Variants in SLC8A3 observed in about 807,000 individuals in gnomAD.
SLC8A3 encodes solute carrier family 8 member A3, also known as sodium/calcium exchanger 3.
In SLC8A3, 37 loss-of-function variants were observed where a neutral mutation model predicts 65.4. The ratio of observed to expected loss-of-function variants is 0.57; its 90% CI spans 0.44 to 0.74. The LOEUF (loss-of-function observed/expected upper bound fraction) is 0.74, where lower values mean the gene tolerates loss of function less well. Ranked by LOEUF, SLC8A3 falls within the 30% of genes least tolerant of loss-of-function variation. SLC8A3 has a pLI of 0.00. For synonymous variants in SLC8A3, 461 were observed against 444.5 expected (o/e 1.04, Z -0.47); for missense variants, 1,112 against 1,172.1 (o/e 0.95, Z 0.75).
At position 70,044,838 on chromosome 14, in the gene SLC8A3, G is replaced by A. The variant is rs146297923; in HGVS notation, c.*1109C>T. Reference sequence around the variant, plus strand: ...GTATAGAGCATTAGGAAGCAAGAGCGTGGTGAAGCTGACATTTCTCAGGCA... The same window carrying A: ...GTATAGAGCATTAGGAAGCAAGAGCATGGTGAAGCTGACATTTCTCAGGCA... On this transcript the variant is annotated 3_prime_UTR_variant, in exon 7 of 7. Transcript: ENST00000356921. 8.5e-5 allele frequency: 13 copies of A among 152,298 alleles called. 1 individual carries two copies. In the East Asian group the frequency reaches 1.7e-3, roughly 20 times the overall value. 9.4% of individuals were successfully genotyped at this position (152,298 alleles called of 1,614,324 possible).
intron 2 of SLC8A3, among the ~76,000 whole-genome samples, chr14:70,143,405 G>A (rs963089755): frequency 6.6e-6 from 1 of 152,124 alleles, no homozygotes; most frequent in African/African-American, 2.4e-5. Flanking sequence ...CCAGAGCCTT[G>A]GCACATTTGT....
chr14:70,162,684 C>A (rs1466439322), intron 2 of SLC8A3, among the ~76,000 whole-genome samples: 5 of 152,294 alleles, frequency 3.3e-5, no homozygotes, highest in Admixed American at 1.3e-4. Flanking sequence ...AGAACCCATA[C>A]CTCTGTGAGG....
chr14:70,068,353 C>A (rs1255411587), intron 2 of SLC8A3, among the ~76,000 whole-genome samples: 1 of 152,130 alleles, frequency 6.6e-6, no homozygotes, highest in Non-Finnish European at 1.5e-5. Flanking sequence ...ACCATGAGAA[C>A]CATAAGAAGA....
At chr14:70,129,530 A>G (rs369286999) in intron 2 of SLC8A3, among the ~76,000 whole-genome samples, 58 of 152,368 alleles carry the variant, frequency 3.8e-4, no homozygotes, top group Admixed American at 5.9e-4. Context: ...TTCATGGCTC[A>G]TAAGGCAGAG....
chr14:70,053,208 G>A (rs1343310542), intron 3 of SLC8A3, among the ~76,000 whole-genome samples: 1 of 152,174 alleles, frequency 6.6e-6, no homozygotes, highest in African/African-American at 2.4e-5. Context: ...CCTTCCTCTA[G>A]TGCTGGTGGC....
At chr14:70,072,933 C>A (rs1463524021) in intron 2 of SLC8A3, among the ~76,000 whole-genome samples, 2 of 152,222 alleles carry the variant, frequency 1.3e-5, no homozygotes, top group African/African-American at 4.8e-5. Context: ...CAGGCATGAG[C>A]TACCATGCCT....
intron 2 of SLC8A3, among the ~76,000 whole-genome samples, chr14:70,065,009 G>A (rs762946122): frequency 1.1e-4 from 16 of 152,128 alleles, no homozygotes; most frequent in Admixed American, 6.5e-5. Flanking sequence ...AGGTGGGTGG[G>A]TGTGGAACTG....
At chr14:70,075,789 C>T (rs1002467000) in intron 2 of SLC8A3, among the ~76,000 whole-genome samples, 10 of 152,176 alleles carry the variant, frequency 6.6e-5, no homozygotes, top group Admixed American at 6.5e-4. Context: ...TCATAGGTTC[C>T]CATTGCATTT....
At chr14:70,064,298 A>G (rs1317776174) in intron 2 of SLC8A3, among the ~76,000 whole-genome samples, 1 of 152,234 alleles carries the variant, frequency 6.6e-6, no homozygotes, top group Non-Finnish European at 1.5e-5. Context: ...TATGAGAGCA[A>G]TGAAATAACA....
At chr14:70,048,712 G>A in intron 6 of SLC8A3, 55 bp downstream of exon 6, 1 of 1,468,846 alleles carries the variant, frequency 6.8e-7, no homozygotes. Flanking sequence ...GAGTCCAGGG[G>A]TCATTTGAAC....
At chr14:70,103,737 GAAC>G (rs1361765458) in intron 2 of SLC8A3, among the ~76,000 whole-genome samples, 1 of 151,874 alleles carries the variant, frequency 6.6e-6, no homozygotes, top group East Asian at 1.9e-4. Context: ...AGGAAATGAG[GAAC>G]AACAACAAAA....
intron 2 of SLC8A3, among the ~76,000 whole-genome samples, chr14:70,137,594 G>A (rs964388459): frequency 6.6e-6 from 1 of 152,082 alleles, no homozygotes; most frequent in African/African-American, 2.4e-5. Context: ...TGAGGTAGTT[G>A]GTATCAAGGT....
chr14:70,167,319 G>A lies in SLC8A3; in HGVS notation c.1104C>T (p.Ile368=). ...ATRMMTGAGN[I]LKKHAAEQAK... ...CTTGTTCTGCTGCATGTTTCTTCAG[G>A]ATATTGCCTGCACCAGTCATCATAC... The change falls in exon 2 of 7, where the codon ATC becomes ATT. Residue 368 remains isoleucine, a synonymous_variant. Coordinates refer to ENST00000356921, the MANE Select transcript of SLC8A3 (RefSeq NM_182932.3). 1.2e-6 allele frequency: 2 copies of A among 1,614,168 alleles called. No individual in the cohort carries two copies. Among genetic ancestry groups the A allele is most frequent in the Non-Finnish European group, 1.7e-6 (2 of 1,180,026 alleles).
intron 2 of SLC8A3, among the ~76,000 whole-genome samples, chr14:70,127,963 G>A (rs1319934495): frequency 2.0e-5 from 3 of 152,018 alleles, no homozygotes; most frequent in African/African-American, 4.8e-5. Flanking sequence ...CTGAATTCCA[G>A]GATAGGATTG....
intron 2 of SLC8A3, among the ~76,000 whole-genome samples, chr14:70,153,042 T>C (rs767391882): frequency 7.9e-5 from 12 of 152,160 alleles, no homozygotes; most frequent in Admixed American, 5.2e-4. Context: ...GGCTCAGAGT[T>C]GCTCAGAGGG....
chr14:70,151,489 C>CAA (rs1896276633), intron 2 of SLC8A3, among the ~76,000 whole-genome samples: 1 of 143,818 alleles, frequency 7.0e-6, no homozygotes, highest in Non-Finnish European at 1.5e-5. Flanking sequence ...CTGGCCTACT[C>CAA]CTGCCTTGAG....
intron 2 of SLC8A3, among the ~76,000 whole-genome samples, chr14:70,128,520 C>T (rs999366943): frequency 2.0e-5 from 3 of 152,232 alleles, no homozygotes; most frequent in African/African-American, 7.2e-5. Context: ...CAAAGCCCTA[C>T]TTTTGCTTTA....
chr14:70,183,435 G>C (rs755642165), intron 1 of SLC8A3, among the ~76,000 whole-genome samples: 1 of 152,050 alleles, frequency 6.6e-6, no homozygotes, highest in Non-Finnish European at 1.5e-5. Context: ...ACCCTTCCAG[G>C]CTCCTTCTTC....
intron 2 of SLC8A3, among the ~76,000 whole-genome samples, chr14:70,072,717 G>A (rs559316319): frequency 3.4e-4 from 51 of 152,208 alleles, no homozygotes; most frequent in South Asian, 1.0e-3. Context: ...GCATGATCTC[G>A]ACTCACTGCA....
Sources: allele counts gnomAD v4.1 joint callset (sites outside exome capture counted in the v4.1 genomes callset), GRCh38; gene constraint gnomAD v4.1.1; transcripts MANE v1.5; gene names NCBI Gene and HGNC (gene_info 2026-07-23, HGNC 2026-07-21).